ZDHHC23: variants seen among roughly 807,000 people sequenced by gnomAD.
ZDHHC23 encodes the protein palmitoyltransferase ZDHHC23.
A neutral mutation model predicts 40.2 loss-of-function variants in ZDHHC23; 41 were observed. The observed-to-expected ratio is 1.02, with a 90% CI of 0.79 to 1.32. ZDHHC23 has a LOEUF of 1.32. Among genes scored for constraint, ZDHHC23 ranks in the 40% most tolerant of loss-of-function variants. The probability of loss-of-function intolerance (pLI) is 0.00; values close to 1 mark genes in which losing one functional copy is unlikely to be tolerated. For synonymous variants in ZDHHC23, 204 were observed against 210.2 expected, an observed-to-expected ratio of 0.97 and a Z score of 0.26; for missense variants, 471 against 541.5, an observed-to-expected ratio of 0.87 and a Z score of 1.29.
Position 113,948,049 on chromosome 3 carries a change from G to C in ZDHHC23, c.-259G>C, listed in dbSNP as rs1394400727. ...GCTGCGGCGAGGGAGCGGCCGAGCG[G>C]AGCCCGGGTCCCGGAGACTCCTGCC... is the stretch of plus-strand genomic sequence containing the variant. On this transcript the variant is annotated 5_prime_UTR_variant, in exon 1 of 5. Coordinates refer to ENST00000638807, the MANE Select transcript of ZDHHC23 (RefSeq NM_001320466.2). The C allele has an allele frequency of 1.3e-5, 2 of 151,238 alleles. No individual in the cohort carries two copies. The highest frequency in any genetic ancestry group is 2.4e-5 in the African/African-American group (1 of 41,260). The allele number at this position is 151,238 out of a possible 1,614,324, so 9.4% of individuals were successfully genotyped here. A position where few individuals can be genotyped will look rare whatever the true frequency, so the allele number is the denominator to read the frequency against.
In ZDHHC23 at chr3:113,958,739, G is replaced by A. The variant is rs1471746707; in HGVS notation, c.*109G>A. 1 of 1,583,036 alleles carries A rather than the reference G, an allele frequency of 6.3e-7. No individual in the cohort carries two copies. The highest frequency in any genetic ancestry group is 8.5e-7 in the Non-Finnish European group (1 of 1,170,850). On this transcript the variant is annotated 3_prime_UTR_variant, in exon 5 of 5. Coordinates refer to ENST00000638807, the MANE Select transcript of ZDHHC23 (RefSeq NM_001320466.2). ...CCCCAGTTTCTTAAAGGCATTATAG[G>A]GCCATGCTCAGGTTTAGAGACTGGA...
the ZDHHC23 span, among the ~76,000 whole-genome samples, chr3:113,971,673 T>C: frequency 1.3e-5 from 2 of 152,322 alleles, no homozygotes; most frequent in African/African-American, 4.8e-5. Flanking sequence ...GGTATCAGGC[T>C]AATGCTGGCC....
chr3:113,950,884 C>T lies in ZDHHC23; in HGVS notation c.161+1921C>T, dbSNP rs115860526. ...CATGCATAGAATAGACATTCCCATT[C>T]CAAAAGGGAACAACAGGAAGAAAGG... On this transcript the variant is annotated intron_variant, in intron 2 of 4. Transcript: ENST00000638807. 1.6e-3 allele frequency among the ~76,000 whole-genome samples: 241 copies of T among 152,320 alleles called. 1 individual carries two copies. Among genetic ancestry groups the T allele is most frequent in the African/African-American group, 5.5e-3 (229 of 41,562 alleles).
At position 113,960,202 on chromosome 3, in the gene ZDHHC23, C is replaced by T. The variant is rs141694465; in HGVS notation, c.*1572C>T. The T allele has an allele frequency of 5.2e-4, 513 of 992,036 alleles. 1 individual carries two copies. Among genetic ancestry groups the T allele is most frequent in the South Asian group, 1.9e-3 (42 of 21,980 alleles). 61.5% of individuals were successfully genotyped at this position (992,036 alleles called of 1,614,324 possible). A position where few individuals can be genotyped will look rare whatever the true frequency, so the allele number is the denominator to read the frequency against. On this transcript the variant is annotated 3_prime_UTR_variant, in exon 5 of 5. Transcript: ENST00000638807. ...TTCCTGCACTTCCACCCTCTGCAGC[C>T]AGCACCGTCCCTACTGTTGCCATTA...
At chr3:113,965,492 C>T (rs573457787), downstream of ZDHHC23, 3 of 503,684 alleles carry the variant, frequency 6.0e-6, no homozygotes, top group Admixed American at 3.8e-5. Context: ...AAATCACAAT[C>T]GGGATTATGA....
At chr3:113,976,293 C>CAA in the ZDHHC23 span, among the ~76,000 whole-genome samples, 1 of 150,512 alleles carries the variant, frequency 6.6e-6, no homozygotes, top group Non-Finnish European at 1.5e-5. Flanking sequence ...AACACAAAAA[C>CAA]AAACAAAAAA....
At chr3:113,956,653 A>G (rs1328190397) in intron 4 of ZDHHC23, 147 bp downstream of exon 4, 1 of 798,632 alleles carries the variant, frequency 1.3e-6, no homozygotes, top group East Asian at 2.7e-5. Context: ...ATTGCCAGCA[A>G]AATTGTGCAT....
chr3:113,962,029 A>G lies in ZDHHC23; in HGVS notation c.*3399A>G, dbSNP rs1051171064. 3.9e-5 allele frequency: 6 copies of G among 152,618 alleles called. No individual in the cohort carries two copies. The highest frequency in any genetic ancestry group is 1.4e-4 in the African/African-American group (6 of 41,450). 9.5% of individuals were successfully genotyped at this position (152,618 alleles called of 1,614,324 possible). ...TATGACCTAACTTAATTGTAGCCATATTCTGGTACCTTCCATTTTGAAAAG... is the reference window on the plus strand; with the variant it reads ...TATGACCTAACTTAATTGTAGCCATGTTCTGGTACCTTCCATTTTGAAAAG... On this transcript the variant is annotated 3_prime_UTR_variant, in exon 5 of 5. Transcript: ENST00000638807.
intron 4 of ZDHHC23, 60 bp from the exon 5 acceptor site, chr3:113,958,302 GA>G: frequency 6.9e-7 from 1 of 1,457,712 alleles, no homozygotes; most frequent in Non-Finnish European, 9.4e-7. Context: ...ACGTGAGAAT[GA>G]TGACAGTTTT....
chr3:113,965,176 C>A (rs751017097), downstream of ZDHHC23: 1 of 1,603,718 alleles, frequency 6.2e-7, no homozygotes, highest in Admixed American at 1.7e-5. Flanking sequence ...CCAGACTTGT[C>A]TTACTCAAGG....
chr3:113,958,205 C>T (rs1486975766), intron 4 of ZDHHC23, among the ~76,000 whole-genome samples, 158 bp from the exon 5 acceptor site: 1 of 152,134 alleles, frequency 6.6e-6, no homozygotes, highest in Non-Finnish European at 1.5e-5. Flanking sequence ...CCTACTTAAG[C>T]AGGTTATTGG....
rs1939648209 is a variant in ZDHHC23, at chr3:113,961,122, C to T, written c.*2492C>T. The T allele has an allele frequency of 5.4e-6, 1 of 185,538 alleles. No homozygotes were observed. The highest frequency in any genetic ancestry group is 1.1e-5 in the Non-Finnish European group (1 of 90,796). The allele number at this position is 185,538 out of a possible 1,614,324, so 11.5% of individuals were successfully genotyped here. A position where few individuals can be genotyped will look rare whatever the true frequency, so the allele number is the denominator to read the frequency against. On this transcript the variant is annotated 3_prime_UTR_variant, in exon 5 of 5. Coordinates refer to ENST00000638807, the MANE Select transcript of ZDHHC23 (RefSeq NM_001320466.2). The stretch of plus-strand genomic sequence containing the variant: ...TGTGAATGAATCAGTCCCAGGGAAG[C>T]ATTTGGTGGTGGCGGCAGTGGAGGA...
chr3:113,970,375 G>T (rs1247712451), downstream of ZDHHC23, among the ~76,000 whole-genome samples: 1 of 151,960 alleles, frequency 6.6e-6, no homozygotes, highest in Admixed American at 6.6e-5. Flanking sequence ...ACCCAGGCTG[G>T]TCTTGAACCC....
rs961918486 is a variant in ZDHHC23, at chr3:113,963,341, G to A, written c.*4711G>A. On this transcript the variant is annotated 3_prime_UTR_variant, in exon 5 of 5. Transcript: ENST00000638807. ...TCAATTTCTAGTTGATGTTTGAGGT[G>A]AGGCAAAAATAAAGCTAAGGTAGAA... 6.6e-6 allele frequency: 1 copy of A among 152,098 alleles called. No individual in the cohort carries two copies. Among genetic ancestry groups the A allele is most frequent in the Non-Finnish European group, 1.5e-5 (1 of 68,018 alleles). The allele number at this position is 152,098 out of a possible 1,614,324, so 9.4% of individuals were successfully genotyped here. A position where few individuals can be genotyped will look rare whatever the true frequency, so the allele number is the denominator to read the frequency against.
Position 113,948,781 on chromosome 3 carries a change from C to T in ZDHHC23, c.-22C>T, listed in dbSNP as rs927777082. 1.7e-5 allele frequency: 28 copies of T among 1,613,872 alleles called. No homozygotes were observed. The highest frequency in any genetic ancestry group is 2.2e-5 in the East Asian group (1 of 44,886). ...TTTACCTTCTGAGGGCTTCTTACGCCTCATGGTGACAGGTGCAAATCATGA... is the reference window on the plus strand; with the variant it reads ...TTTACCTTCTGAGGGCTTCTTACGCTTCATGGTGACAGGTGCAAATCATGA... On this transcript the variant is annotated 5_prime_UTR_variant, in exon 2 of 5. Coordinates refer to ENST00000638807, the MANE Select transcript of ZDHHC23 (RefSeq NM_001320466.2).
rs914401495 is a variant in ZDHHC23 at position 113,960,221 on chromosome 3, G to C, written c.*1591G>C. On this transcript the variant is annotated 3_prime_UTR_variant, in exon 5 of 5. Transcript: ENST00000638807. ...TGCAGCCAGCACCGTCCCTACTGTT[G>C]CCATTAATTGGAGCTGTCCTTAAGA... is the stretch of plus-strand genomic sequence containing the variant. The C allele has an allele frequency of 1.2e-5, 12 of 995,780 alleles. No individual in the cohort carries two copies. The Admixed American group carries it at 6.1e-4, about 51-fold the overall frequency. The allele number at this position is 995,780 out of a possible 1,614,324, so 61.7% of individuals were successfully genotyped here.
At chr3:113,965,199 A>T (rs1939991693), downstream of ZDHHC23, 1 of 1,610,496 alleles carries the variant, frequency 6.2e-7, no homozygotes, top group Non-Finnish European at 8.5e-7. Flanking sequence ...CAAGTATCTG[A>T]TTGCTGATAT....
At chr3:113,955,686 T>C (rs1431998659) in intron 3 of ZDHHC23, among the ~76,000 whole-genome samples, 2 of 152,216 alleles carry the variant, frequency 1.3e-5, no homozygotes, top group African/African-American at 4.8e-5. Context: ...TTTTAAGTTT[T>C]CATAATTCTA....
At chr3:113,969,556 C>A (rs1940588549), downstream of ZDHHC23, among the ~76,000 whole-genome samples, 1 of 152,190 alleles carries the variant, frequency 6.6e-6, no homozygotes, top group Non-Finnish European at 1.5e-5. Context: ...TCATTTCATT[C>A]TTCTGCATAT....
Sources: allele counts gnomAD v4.1 joint callset (sites outside exome capture counted in the v4.1 genomes callset), GRCh38; gene constraint gnomAD v4.1.1; transcripts MANE v1.5; gene names NCBI Gene and HGNC (gene_info 2026-07-23, HGNC 2026-07-21).